Variants in ARID1B observed in about 807,000 individuals in gnomAD.
The protein encoded by ARID1B is AT-rich interactive domain-containing protein 1B.
Under a neutral mutation model 212.3 loss-of-function variants are expected in ARID1B, and 30 were observed. That is an observed-to-expected ratio of 0.14 (90% confidence interval 0.11 to 0.19). ARID1B has a LOEUF of 0.19. ARID1B is among the 10% of genes least tolerant of loss of function. ARID1B has a pLI of 1.00. For synonymous variants in ARID1B, 1,402 were observed against 1,301.7 expected (o/e 1.08, Z -1.66); for missense variants, 2,891 against 3,204.0 (o/e 0.90, Z 2.36).
intron 2 of ARID1B, among the ~76,000 whole-genome samples, chr6:156,840,759 T>C (rs991938032): frequency 7.0e-6 from 1 of 142,170 alleles, no homozygotes; most frequent in African/African-American, 2.6e-5. Context: ...TCTAGCTGAG[T>C]GGTTTTCTGT....
chr6:157,146,455 G>T (rs1789728745), intron 7 of ARID1B, among the ~76,000 whole-genome samples: 1 of 152,090 alleles, frequency 6.6e-6, no homozygotes, highest in Admixed American at 6.5e-5. Context: ...CTCCAGAAGT[G>T]CTCATTCAGA....
At chr6:156,828,488 A>G (rs1044180445) in intron 1 of ARID1B, among the ~76,000 whole-genome samples, 7 of 152,198 alleles carry the variant, frequency 4.6e-5, no homozygotes, top group Admixed American at 1.3e-4. Flanking sequence ...TTGACGTCCC[A>G]GGACATGAAG....
At chr6:156,804,367 A>G (rs566331537) in intron 1 of ARID1B, among the ~76,000 whole-genome samples, 3 of 152,074 alleles carry the variant, frequency 2.0e-5, no homozygotes, top group South Asian at 4.2e-4. Flanking sequence ...ACACCCCTCA[A>G]TTTTGGATTA....
intron 4 of ARID1B, among the ~76,000 whole-genome samples, chr6:157,081,164 C>A (rs1404760596): frequency 6.6e-6 from 1 of 152,190 alleles, no homozygotes; most frequent in Non-Finnish European, 1.5e-5. Flanking sequence ...ACCTCACCTG[C>A]CAGCTTTCCA....
intron 8 of ARID1B, among the ~76,000 whole-genome samples, chr6:157,154,017 C>G (rs1790383493): frequency 6.6e-6 from 1 of 152,204 alleles, no homozygotes; most frequent in Admixed American, 6.5e-5. Context: ...GAATAACTTT[C>G]CCCCATTCAT....
chr6:157,206,471 A>C lies in ARID1B; in HGVS notation c.5699A>C (p.Lys1900Thr). The stretch of plus-strand genomic sequence containing the variant: ...GACGCCGCTGCAGACCCAAAGGAGA[A>C]GCCCAAGCAAGCCAGTAAGTTCGAC... ...APDAAADPKE[K>T]PKQASKFDKL... The change falls in exon 20 of 20, where the codon AAG becomes ACG. Residue 1900 changes from lysine (K) to threonine (T), a missense_variant. Physicochemically the swap from Lys to Thr is moderately conservative, Grantham distance 78. Around this residue, in one of 7 missense-constraint regions of ARID1B, gnomAD observed 332 missense variants for 369.2 expected, o/e 0.90. Coordinates refer to ENST00000636930, the MANE Select transcript of ARID1B (RefSeq NM_001374828.1). This position sits in a 1 kb window ranked among gnomAD's most constrained non-coding sequence, Gnocchi z 6.8. The C allele has an allele frequency of 6.2e-7, 1 of 1,614,116 alleles. No individual in the cohort carries two copies. The highest frequency in any genetic ancestry group is 1.3e-5 in the African/African-American group (1 of 75,054).
chr6:157,017,609 TA>T lies in ARID1B; in HGVS notation c.2248-67048del, dbSNP rs1350857945. ...AGCAGTGCTAGTTGAAATTCTAAAA[TA>T]AAAACTCATATTCCTCTAGGTAATT... On this transcript the variant is annotated intron_variant, in intron 4 of 19. Coordinates refer to ENST00000636930, the MANE Select transcript of ARID1B (RefSeq NM_001374828.1). Among the ~76,000 whole-genome samples, 14 of 152,314 alleles carry T rather than the reference TA, an allele frequency of 9.2e-5. No individual in the cohort carries two copies. The East Asian group carries it at 2.7e-3, about 29-fold the overall frequency.
intron 7 of ARID1B, 146 bp downstream of exon 7, chr6:157,133,353 A>G: frequency 1.1e-6 from 1 of 903,236 alleles, no homozygotes; most frequent in Non-Finnish European, 1.6e-6. Flanking sequence ...ATACAAGCCC[A>G]CAGTACTTTA....
intron 2 of ARID1B, among the ~76,000 whole-genome samples, chr6:156,894,541 C>G (rs1788232527): frequency 6.6e-6 from 1 of 152,152 alleles, no homozygotes; most frequent in South Asian, 2.1e-4. Flanking sequence ...GGTGCTCATT[C>G]TTTTACACAG....
At chr6:157,124,500 A>T (rs1244494781) in intron 6 of ARID1B, among the ~76,000 whole-genome samples, 1 of 152,254 alleles carries the variant, frequency 6.6e-6, no homozygotes, top group East Asian at 1.9e-4. Context: ...TAACAGAGTC[A>T]TACAGAACAG....
intron 7 of ARID1B, among the ~76,000 whole-genome samples, chr6:157,146,025 C>T (rs1241166553): frequency 6.6e-6 from 1 of 152,122 alleles, no homozygotes; most frequent in Non-Finnish European, 1.5e-5. Flanking sequence ...CAGGATAAAT[C>T]TCAAACTTAG....
At position 156,819,218 on chromosome 6, in the gene ARID1B, A is replaced by G. The variant is rs574659270; in HGVS notation, c.1792-10009A>G. ...CCTTCTTAAATAAGTGCTTGCTACTAGGCTGTCAGTAGTGACACATGGTTA... is the reference window on the plus strand; with the variant it reads ...CCTTCTTAAATAAGTGCTTGCTACTGGGCTGTCAGTAGTGACACATGGTTA... On this transcript the variant is annotated intron_variant, in intron 1 of 19. Transcript: ENST00000636930. Among the ~76,000 whole-genome samples, 4 of 152,366 alleles carry G rather than the reference A, an allele frequency of 2.6e-5. No homozygotes were observed. The South Asian group carries it at 8.3e-4, about 32-fold the overall frequency.
At chr6:156,799,420 T>C (rs144879371) in intron 1 of ARID1B, among the ~76,000 whole-genome samples, 1 of 152,218 alleles carries the variant, frequency 6.6e-6, no homozygotes, top group Non-Finnish European at 1.5e-5. Context: ...TGAATTTACA[T>C]TGTGAAAGGT....
chr6:157,175,071 A>C, intron 11 of ARID1B, 66 bp downstream of exon 11: 1 of 1,218,230 alleles, frequency 8.2e-7, no homozygotes, highest in Non-Finnish European at 1.1e-6. Flanking sequence ...TTGATAATTA[A>C]TTAATTCTAC....
intron 3 of ARID1B, among the ~76,000 whole-genome samples, chr6:156,902,938 A>AG (rs911150095): frequency 2.0e-5 from 3 of 152,108 alleles, no homozygotes; most frequent in African/African-American, 7.2e-5. Flanking sequence ...AGGGGCTTTC[A>AG]GAGCCTTATT....
chr6:157,077,568 C>T (rs1784386252), intron 4 of ARID1B, among the ~76,000 whole-genome samples: 1 of 152,218 alleles, frequency 6.6e-6, no homozygotes, highest in Non-Finnish European at 1.5e-5. Flanking sequence ...GTCTCTTTCC[C>T]TGCCAAGTGC....
At position 157,201,763 on chromosome 6, in the gene ARID1B, G is replaced by A. The variant is rs1276998565; in HGVS notation, c.5263+275G>A. ...GGGTGGATCACGAGGTCACGAGATCGAGACCATCCTGGATAACACGGTGAA... is the reference window on the plus strand; with the variant it reads ...GGGTGGATCACGAGGTCACGAGATCAAGACCATCCTGGATAACACGGTGAA... On this transcript the variant is annotated intron_variant, in intron 18 of 19. Coordinates refer to ENST00000636930, the MANE Select transcript of ARID1B (RefSeq NM_001374828.1). This position sits in a 1 kb window ranked among gnomAD's most constrained non-coding sequence, Gnocchi z 5.2. Among the ~76,000 whole-genome samples, 1 of 152,120 alleles carries A rather than the reference G, an allele frequency of 6.6e-6. No individual in the cohort carries two copies. The highest frequency in any genetic ancestry group is 1.5e-5 in the Non-Finnish European group (1 of 68,018).
At chr6:156,843,091 TAGCAC>T (rs960242548) in intron 2 of ARID1B, among the ~76,000 whole-genome samples, 3 of 152,336 alleles carry the variant, frequency 2.0e-5, no homozygotes, top group Non-Finnish European at 4.4e-5. Context: ...TAGTACGCGG[TAGCAC>T]CCTTCCAACA....
chr6:156,873,398 A>G (rs906404803), intron 2 of ARID1B, among the ~76,000 whole-genome samples: 14 of 152,160 alleles, frequency 9.2e-5, no homozygotes, highest in Non-Finnish European at 1.8e-4. Context: ...CTTTGAGGAG[A>G]GGGTAACTAA....
Sources: gnomAD v4.1 joint callset for allele counts (sites outside exome capture counted in the v4.1 genomes callset) on GRCh38, gnomAD v4.1.1 for gene constraint, gnomAD v4.1.1 regional missense constraint, Gnocchi (gnomAD v3.1) non-coding constraint, MANE v1.5 for transcripts, NCBI Gene and HGNC (gene_info 2026-07-23, HGNC 2026-07-21) for gene names.